The following RPA1 variants were observed in gnomAD, a reference collection of about 807,000 sequenced individuals.
The protein encoded by RPA1 is replication protein A1.
Under a neutral mutation model 83.0 loss-of-function variants are expected in RPA1, and 49 were observed. The observed-to-expected ratio is 0.59, with a 90% CI of 0.47 to 0.75. The LOEUF is 0.75. Ranked by LOEUF, RPA1 falls within the 30% of genes least tolerant of loss-of-function variation. RPA1 has a pLI of 0.00. For missense variants in RPA1, 693 were observed against 776.1 expected (o/e 0.89, Z 1.27); for synonymous variants, 279 against 281.8 (o/e 0.99, Z 0.10).
chr17:1,842,927 GGACA>G, intron 2 of RPA1, 74 bp downstream of exon 2: 1 of 1,489,476 alleles, frequency 6.7e-7, no homozygotes. Context: ...GTTTGATGAA[GGACA>G]GACAGATTTG....
At chr17:1,888,545 G>T in intron 13 of RPA1, 130 bp from the exon 14 acceptor site, 1 of 812,524 alleles carries the variant, frequency 1.2e-6, no homozygotes, top group South Asian at 2.1e-5. Context: ...GATTCCCTGT[G>T]ATCATGTGTA....
chr17:1,866,277 A>C (rs1485260279), intron 5 of RPA1, among the ~76,000 whole-genome samples: 3 of 151,538 alleles, frequency 2.0e-5, no homozygotes, highest in African/African-American at 7.3e-5. Flanking sequence ...TGGCCTAGAG[A>C]TAATCCCATA....
rs191430216 is a variant in RPA1, at chr17:1,894,961, A to G, written c.1660-48A>G. ...TTTAAAAGTCTTATCAGTATTTGCA[A>G]GTTGTCCAGTGGTTTCCATGTGTCA... On this transcript the variant is annotated intron_variant, in intron 15 of 16. Coordinates refer to ENST00000254719, the MANE Select transcript of RPA1 (RefSeq NM_002945.5). 229 of 1,476,554 alleles carry G rather than the reference A, an allele frequency of 1.6e-4. 1 individual carries two copies. The highest frequency in any genetic ancestry group is 1.3e-3 in the Admixed American group (74 of 58,336). The allele number at this position is 1,476,554 out of a possible 1,614,324, so 91.5% of individuals were successfully genotyped here. A position where few individuals can be genotyped will look rare whatever the true frequency, so the allele number is the denominator to read the frequency against.
intron 1 of RPA1, 148 bp downstream of exon 1, chr17:1,830,274 T>C: frequency 2.0e-6 from 1 of 507,756 alleles, no homozygotes; most frequent in Non-Finnish European, 3.1e-6. Flanking sequence ...CCGCCGGGCG[T>C]CCCTCTAGTG....
chr17:1,842,936 GA>G, intron 2 of RPA1, 83 bp downstream of exon 2: 3 of 1,443,316 alleles, frequency 2.1e-6, no homozygotes, highest in Non-Finnish European at 2.9e-6. Flanking sequence ...AGGACAGACA[GA>G]TTTGTCCACT....
intron 12 of RPA1, 81 bp from the exon 13 acceptor site, chr17:1,883,731 C>T (rs1042691192): frequency 1.1e-5 from 17 of 1,586,944 alleles, no homozygotes; most frequent in South Asian, 9.0e-5. Context: ...CTGTGTCTGT[C>T]GCGTAGCAGC....
chr17:1,852,245 G>A (rs1241016915), intron 4 of RPA1, among the ~76,000 whole-genome samples: 1 of 152,168 alleles, frequency 6.6e-6, no homozygotes, highest in African/African-American at 2.4e-5. Flanking sequence ...GTAGGAGCGA[G>A]AGAGAATAAT....
intron 1 of RPA1, among the ~76,000 whole-genome samples, chr17:1,839,724 C>A (rs1047643027): frequency 1.3e-5 from 2 of 149,862 alleles, no homozygotes; most frequent in Non-Finnish European, 3.0e-5. Context: ...GCAGCTTTAT[C>A]TCCCTGGCTC....
chr17:1,891,708 A>C (rs1914210517), intron 14 of RPA1, 125 bp from the exon 15 acceptor site: 1 of 619,758 alleles, frequency 1.6e-6, no homozygotes, highest in African/African-American at 1.8e-5. Flanking sequence ...GCATGAGCCC[A>C]CTGCACCTGG....
In RPA1 at chr17:1,834,861, A is replaced by G. The variant is rs78561992; in HGVS notation, c.33+4735A>G. Among the ~76,000 whole-genome samples, 57 of 151,876 alleles carry G rather than the reference A, an allele frequency of 3.8e-4. No homozygotes were observed. In the East Asian group the frequency reaches 0.011, roughly 29 times the overall value. ...GAGTATTACATTTGTTGCTTTATAT[A>G]CTTACTAGGGATTTTTTTTTTAAAG... On this transcript the variant is annotated intron_variant, in intron 1 of 16. Transcript: ENST00000254719.
At position 1,891,386 on chromosome 17, in the gene RPA1, G is replaced by A. The variant is rs111552124; in HGVS notation, c.1552-447G>A. 2.3e-4 allele frequency among the ~76,000 whole-genome samples: 35 copies of A among 152,270 alleles called. 1 individual carries two copies. The highest frequency in any genetic ancestry group is 6.3e-4 in the African/African-American group (26 of 41,554). ...AATTGAAAATGCAGAGAACTCCCCC[G>A]ATTCACTCAAAACCCTTCATCCAAA... On this transcript the variant is annotated intron_variant, in intron 14 of 16. Coordinates refer to ENST00000254719, the MANE Select transcript of RPA1 (RefSeq NM_002945.5).
intron 1 of RPA1, 74 bp from the exon 2 acceptor site, chr17:1,842,729 C>A: frequency 1.5e-6 from 2 of 1,327,458 alleles, no homozygotes; most frequent in Non-Finnish European, 2.2e-6. Context: ...ATTCCAAATA[C>A]CAACTATAAA....
chr17:1,861,949 G>T (rs372715465), intron 5 of RPA1, among the ~76,000 whole-genome samples: 2 of 151,868 alleles, frequency 1.3e-5, no homozygotes, highest in African/African-American at 4.8e-5. Context: ...GCCCAGGCTG[G>T]AGTGCAGTGG....
chr17:1,848,951 A>T (rs926225261), intron 4 of RPA1, among the ~76,000 whole-genome samples: 1 of 152,086 alleles, frequency 6.6e-6, no homozygotes, highest in Admixed American at 6.6e-5. Context: ...CATTCGGATT[A>T]TTTCTGCCTG....
intron 5 of RPA1, among the ~76,000 whole-genome samples, chr17:1,862,046 A>G (rs1015771722): frequency 3.3e-5 from 5 of 150,246 alleles, no homozygotes; most frequent in African/African-American, 4.9e-5. Flanking sequence ...ACCCACCACC[A>G]TGCCCGGGTG....
intron 1 of RPA1, among the ~76,000 whole-genome samples, chr17:1,832,729 CTG>C (rs1169896341): frequency 1.3e-5 from 2 of 152,106 alleles, no homozygotes; most frequent in African/African-American, 4.8e-5. Context: ...AGATACTAAA[CTG>C]TTTCTTTTCT....
intron 15 of RPA1, among the ~76,000 whole-genome samples, chr17:1,894,173 A>AT (rs1308962834): frequency 7.3e-6 from 1 of 137,848 alleles, no homozygotes; most frequent in African/African-American, 3.0e-5. Context: ...CTGACCTCCT[A>AT]ATTTTTTTTT....
chr17:1,839,043 C>T (rs1464444956), intron 1 of RPA1, among the ~76,000 whole-genome samples: 4 of 151,908 alleles, frequency 2.6e-5, no homozygotes, highest in Non-Finnish European at 5.9e-5. Flanking sequence ...TTAGTAGAGA[C>T]GGTATTTCAC....
chr17:1,837,026 CGG>C (rs1440569083), intron 1 of RPA1, among the ~76,000 whole-genome samples: 2 of 151,808 alleles, frequency 1.3e-5, no homozygotes, highest in Non-Finnish European at 2.9e-5. Flanking sequence ...TTAGTAGAGA[CGG>C]GGCTTCACCA....
Sources: allele counts gnomAD v4.1 joint callset (sites outside exome capture counted in the v4.1 genomes callset), GRCh38; gene constraint gnomAD v4.1.1; transcripts MANE v1.5; gene names NCBI Gene and HGNC (gene_info 2026-07-23, HGNC 2026-07-21).